Variants in BID observed in about 807,000 individuals in gnomAD.
BID encodes the protein BH3 interacting domain death agonist, also known as BH3-interacting domain death agonist.
A neutral mutation model predicts 17.4 loss-of-function variants in BID; 19 were observed. The ratio of observed to expected loss-of-function variants is 1.09; its 90% CI spans 0.76 to 1.60. The LOEUF (loss-of-function observed/expected upper bound fraction) is 1.60. Ranked by LOEUF, BID falls within the 40% of genes most tolerant of loss-of-function variation. BID has a pLI of 0.00. For synonymous variants in BID, 108 were observed against 102.8 expected, an observed-to-expected ratio of 1.05 and a Z score of -0.31; for missense variants, 226 against 256.0, an observed-to-expected ratio of 0.88 and a Z score of 0.80.
At chr22:17,749,086 G>A (rs1388264134) in intron 2 of BID, among the ~76,000 whole-genome samples, 1 of 152,200 alleles carries the variant, frequency 6.6e-6, no homozygotes, top group Non-Finnish European at 1.5e-5. Context: ...CAGGAACTGC[G>A]ACACAGTCAC....
At chr22:17,767,797 T>C (rs1414021351) in intron 1 of BID, among the ~76,000 whole-genome samples, 2 of 152,076 alleles carry the variant, frequency 1.3e-5, no homozygotes, top group African/African-American at 2.4e-5. Context: ...AAAAGTTCCA[T>C]TGCTGCTTGA....
intron 1 of BID, among the ~76,000 whole-genome samples, chr22:17,764,727 T>C (rs1307774030): frequency 2.0e-5 from 3 of 152,144 alleles, no homozygotes; most frequent in Non-Finnish European, 4.4e-5. Context: ...GACCCAGCTG[T>C]CCTGGGATCG....
Position 17,738,050 on chromosome 22 carries a change from G to T in BID, c.543C>A (p.Asn181Lys), listed in dbSNP as rs367829996. Residue 181 changes from asparagine to lysine, a missense_variant, in exon 5 of 6, where the codon AAC (asparagine) becomes AAA (lysine). By Grantham distance (94) the Asn-to-Lys change is moderately conservative. Transcript: ENST00000622694. ...CTAAGCTCCTCACGTAGGTGCGTAG[G>T]TTCTGGTTAATAAAATTCACTGTTG... ...FHTTVNFINQ[N>K]LRTYVRSLAR... The T allele has an allele frequency of 1.1e-5, 17 of 1,614,090 alleles. No homozygotes were observed. The African/African-American group carries it at 2.3e-4, about 22-fold the overall frequency.
chr22:17,757,851 C>T (rs191755129), intron 1 of BID, among the ~76,000 whole-genome samples: 2 of 152,300 alleles, frequency 1.3e-5, no homozygotes, highest in Admixed American at 1.3e-4. Flanking sequence ...CTGTCACTCG[C>T]GTTTGCCTGG....
In BID at chr22:17,758,980, C is replaced by T. The variant is rs556227055; in HGVS notation, c.-58-8806G>A. Among the ~76,000 whole-genome samples the T allele has an allele frequency of 3.1e-4, 47 of 152,238 alleles. No homozygotes were observed. The South Asian group carries it at 4.4e-3, about 14-fold the overall frequency. ...AGGTGTGGTGGCTCATGCCTGTAAT[C>T]GCAGCACTTTGGGAGGACGAGGTGG... On this transcript the variant is annotated intron_variant, in intron 1 of 5. Coordinates refer to ENST00000622694, the MANE Select transcript of BID (RefSeq NM_001196.4).
Position 17,737,935 on chromosome 22 carries a change from G to A in BID, c.576+82C>T, listed in dbSNP as rs2061431247. On this transcript the variant is annotated intron_variant, in intron 5 of 5. Transcript: ENST00000622694. ...ACCCTTGTGCTGGCATCAGAGGCAG[G>A]GGCCCCGCTGGGCTTCTCAACCTTC... 4.1e-6 allele frequency: 6 copies of A among 1,474,148 alleles called. No individual in the cohort carries two copies. The East Asian group carries it at 1.4e-4, about 33-fold the overall frequency. The allele number at this position is 1,474,148 out of a possible 1,614,324, so 91.3% of individuals were successfully genotyped here. A position where few individuals can be genotyped will look rare whatever the true frequency, so the allele number is the denominator to read the frequency against.
chr22:17,735,541 C>T lies in BID; in HGVS notation c.*39G>A, dbSNP rs368291803. 4 of 1,613,860 alleles carry T rather than the reference C, an allele frequency of 2.5e-6. No individual in the cohort carries two copies. The highest frequency in any genetic ancestry group is 1.1e-5 in the South Asian group (1 of 91,064). ...GGAAGCAGCTATACAGCTGTGACCA[C>T]ATCGAGCTTTAGCCAGTCACACTTC... is the stretch of plus-strand genomic sequence containing the variant. On this transcript the variant is annotated 3_prime_UTR_variant, in exon 6 of 6. Transcript: ENST00000622694.
intron 1 of BID, among the ~76,000 whole-genome samples, chr22:17,768,682 G>A (rs369339793): frequency 6.6e-6 from 1 of 152,176 alleles, no homozygotes; most frequent in South Asian, 2.1e-4. Context: ...GACCATCCTG[G>A]CTAACACGGT....
At chr22:17,753,003 G>T (rs2061552180) in intron 1 of BID, among the ~76,000 whole-genome samples, 1 of 117,256 alleles carries the variant, frequency 8.5e-6, no homozygotes, top group African/African-American at 3.4e-5. Flanking sequence ...GTCTCGCTCT[G>T]TCACCCAGGC....
At chr22:17,744,902 A>C (rs1036954805) in intron 2 of BID, among the ~76,000 whole-genome samples, 1 of 152,164 alleles carries the variant, frequency 6.6e-6, no homozygotes, top group African/African-American at 2.4e-5. Flanking sequence ...AGATTCACAC[A>C]AAAAGACCTC....
chr22:17,738,148 G>A lies in BID; in HGVS notation c.445C>T (p.Leu149=). 1 of 1,613,890 alleles carries A rather than the reference G, an allele frequency of 6.2e-7. No homozygotes were observed. Among genetic ancestry groups the A allele is most frequent in the Non-Finnish European group, 8.5e-7 (1 of 1,180,046 alleles). Reference sequence around the variant, plus strand: ...TTGGCCAGCAGCAGGGCCAGCACCAGCATGGTCTTCTCCTTCTCCATGTCT... The same window carrying A: ...TTGGCCAGCAGCAGGGCCAGCACCAACATGGTCTTCTCCTTCTCCATGTCT... ...PRDMEKEKTM[L]VLALLLAKKV... The change falls in exon 5 of 6, where the codon CTG becomes TTG. Residue 149 remains leucine (L), a synonymous_variant. Transcript: ENST00000622694.
chr22:17,748,842 C>T (rs1255656603), intron 2 of BID, among the ~76,000 whole-genome samples: 1 of 152,248 alleles, frequency 6.6e-6, no homozygotes, highest in East Asian at 1.9e-4. Context: ...ACAGCAGCGG[C>T]AGGTGGGAAG....
At chr22:17,752,790 C>G (rs896269657) in intron 1 of BID, among the ~76,000 whole-genome samples, 5 of 150,930 alleles carry the variant, frequency 3.3e-5, no homozygotes, top group African/African-American at 1.2e-4. Flanking sequence ...CTCAGCCTCC[C>G]GAGTAGCTGG....
chr22:17,761,913 AC>A lies in BID; in HGVS notation c.-58-11740del, dbSNP rs1467569692. On this transcript the variant is annotated intron_variant, in intron 1 of 5. Transcript: ENST00000622694. Reference sequence around the variant, plus strand: ...CTTCACTATGTTTTTTGTCATTTTTACCATATTCTGGAAAACACTGGTAAAT... The same window carrying A: ...CTTCACTATGTTTTTTGTCATTTTTACATATTCTGGAAAACACTGGTAAAT... Among the ~76,000 whole-genome samples, 27 of 152,294 alleles carry A rather than the reference AC, an allele frequency of 1.8e-4. No individual in the cohort carries two copies. In the East Asian group the frequency reaches 4.6e-3, roughly 26 times the overall value.
At chr22:17,753,300 A>G (rs1349622797) in intron 1 of BID, among the ~76,000 whole-genome samples, 3 of 152,216 alleles carry the variant, frequency 2.0e-5, no homozygotes, top group South Asian at 2.1e-4. Context: ...ATCCATGATC[A>G]TATGGGATAA....
At chr22:17,760,816 A>T (rs1394172182) in intron 1 of BID, among the ~76,000 whole-genome samples, 1 of 152,074 alleles carries the variant, frequency 6.6e-6, no homozygotes, top group East Asian at 1.9e-4. Flanking sequence ...GCATGGGAAG[A>T]CTCAAAGTCT....
At chr22:17,748,517 T>A (rs541116277) in intron 2 of BID, among the ~76,000 whole-genome samples, 102 of 148,114 alleles carry the variant, frequency 6.9e-4, no homozygotes, top group African/African-American at 6.0e-4. Flanking sequence ...AAAAAAAAAA[T>A]AAAAATAAAA....
At chr22:17,762,162 C>T (rs909661344) in intron 1 of BID, among the ~76,000 whole-genome samples, 4 of 151,998 alleles carry the variant, frequency 2.6e-5, no homozygotes, top group Admixed American at 1.3e-4. Context: ...GAAACACTGA[C>T]GCAATGCTGT....
At chr22:17,751,329 G>A (rs952773205) in intron 1 of BID, among the ~76,000 whole-genome samples, 2 of 150,690 alleles carry the variant, frequency 1.3e-5, no homozygotes, top group East Asian at 2.0e-4. Context: ...CCGAGATTGC[G>A]CCACTGCAGT....
Sources: allele counts gnomAD v4.1 joint callset (sites outside exome capture counted in the v4.1 genomes callset), GRCh38; gene constraint gnomAD v4.1.1; transcripts MANE v1.5; gene names NCBI Gene and HGNC (gene_info 2026-07-23, HGNC 2026-07-21).